Variants in ADAMTSL1 observed in about 807,000 individuals in gnomAD.
ADAMTSL1 encodes the protein ADAMTS like 1.
A neutral mutation model predicts 201.8 loss-of-function variants in ADAMTSL1; 126 were observed. The observed-to-expected ratio is 0.62, with a 90% CI of 0.54 to 0.72. ADAMTSL1 has a LOEUF of 0.72. Ranked by LOEUF, ADAMTSL1 falls within the 30% of genes least tolerant of loss-of-function variation. The pLI, the probability that ADAMTSL1 is intolerant of heterozygous loss-of-function variation, is 0.00. For synonymous variants in ADAMTSL1, 1,121 were observed against 903.4 expected, an observed-to-expected ratio of 1.24 and a Z score of -4.32; for missense variants, 2,679 against 2,277.8, an observed-to-expected ratio of 1.18 and a Z score of -3.59.
intron 1 of ADAMTSL1, among the ~76,000 whole-genome samples, chr9:17,910,548 G>C (rs552118477): frequency 1.5e-5 from 1 of 68,916 alleles, no homozygotes; most frequent in African/African-American, 2.9e-5. Flanking sequence ...TCTTGTGTGT[G>C]TGTTGCAAGT....
intron 23 of ADAMTSL1, among the ~76,000 whole-genome samples, chr9:18,845,795 A>G (rs2131345110): frequency 6.6e-6 from 1 of 152,346 alleles, no homozygotes; most frequent in South Asian, 2.1e-4. Flanking sequence ...AGACTGGGAC[A>G]ATATAATATA....
chr9:18,860,973 A>C (rs928408638), intron 23 of ADAMTSL1, among the ~76,000 whole-genome samples: 2 of 152,220 alleles, frequency 1.3e-5, no homozygotes, highest in African/African-American at 2.4e-5. Context: ...TGGAAACTTT[A>C]GTTCTCACTT....
At chr9:18,328,159 C>T (rs371494854) in intron 2 of ADAMTSL1, among the ~76,000 whole-genome samples, 1 of 152,306 alleles carries the variant, frequency 6.6e-6, no homozygotes, top group African/African-American at 2.4e-5. Flanking sequence ...CCTGTTTGCA[C>T]AAAGTGCTTG....
rs1201322762 is a variant in ADAMTSL1 at position 17,910,779 on chromosome 9, A to C, written c.87+3857A>C. Among the ~76,000 whole-genome samples, 10 of 69,272 alleles carry C rather than the reference A, an allele frequency of 1.4e-4. 2 individuals carry two copies. The highest frequency in any genetic ancestry group is 2.9e-4 in the African/African-American group (10 of 34,292). The allele number at this position is 69,272 out of a possible 152,430, so 45.4% of individuals were successfully genotyped here. The stretch of plus-strand genomic sequence containing the variant: ...AAAGTCTTCACTTGGTTTTAATCAT[A>C]TAGGCATTATATTTAACCATCAAAT... On this transcript the variant is annotated intron_variant, in intron 1 of 29. Transcript: ENST00000680146.
chr9:18,848,717 G>C (rs1826289447), intron 23 of ADAMTSL1, among the ~76,000 whole-genome samples: 1 of 152,206 alleles, frequency 6.6e-6, no homozygotes, highest in African/African-American at 2.4e-5. Context: ...TTTCTGTAAA[G>C]TGCCAGATAG....
At chr9:17,965,900 A>G (rs752975433) in intron 1 of ADAMTSL1, among the ~76,000 whole-genome samples, 1 of 152,162 alleles carries the variant, frequency 6.6e-6, no homozygotes, top group Non-Finnish European at 1.5e-5. Context: ...TTTTTTGCTG[A>G]TGATGGCACA....
intron 15 of ADAMTSL1, among the ~76,000 whole-genome samples, chr9:18,737,054 C>T (rs1042698449): frequency 2.6e-5 from 4 of 152,192 alleles, no homozygotes; most frequent in African/African-American, 9.6e-5. Context: ...CGTGGTGGCT[C>T]ACGCCTGTAA....
intron 2 of ADAMTSL1, among the ~76,000 whole-genome samples, chr9:18,379,693 G>A (rs1015801866): frequency 6.6e-6 from 1 of 152,044 alleles, no homozygotes; most frequent in African/African-American, 2.4e-5. Context: ...AAGAAAAACT[G>A]GTTTTATACC....
chr9:18,148,396 A>G (rs1218712150), intron 1 of ADAMTSL1, among the ~76,000 whole-genome samples: 3 of 151,948 alleles, frequency 2.0e-5, no homozygotes, highest in East Asian at 3.9e-4. Context: ...GGTAACTATA[A>G]AACAGAAATG....
At chr9:18,131,570 T>G (rs1359202142) in intron 1 of ADAMTSL1, among the ~76,000 whole-genome samples, 1 of 152,186 alleles carries the variant, frequency 6.6e-6, no homozygotes, top group Admixed American at 6.5e-5. Context: ...AAGATTACTC[T>G]CTTCTTGACA....
intron 1 of ADAMTSL1, among the ~76,000 whole-genome samples, chr9:18,007,989 C>T (rs1340026080): frequency 6.6e-6 from 1 of 151,898 alleles, no homozygotes; most frequent in Non-Finnish European, 1.5e-5. Flanking sequence ...AAGAAATTGG[C>T]CCCTTATTCC....
At chr9:18,029,354 C>T (rs911863658) in intron 1 of ADAMTSL1, among the ~76,000 whole-genome samples, 2 of 152,266 alleles carry the variant, frequency 1.3e-5, no homozygotes, top group East Asian at 1.9e-4. Context: ...ATGGAGAAAG[C>T]TGAAACTGGA....
chr9:18,477,970 G>A (rs997703440), intron 1 of ADAMTSL1, among the ~76,000 whole-genome samples: 2 of 152,088 alleles, frequency 1.3e-5, no homozygotes, highest in Non-Finnish European at 2.9e-5. Flanking sequence ...AAAAGCATAT[G>A]GAAATTGAAG....
At chr9:18,157,315 T>A (rs1305641302) in intron 1 of ADAMTSL1, among the ~76,000 whole-genome samples, 3 of 152,058 alleles carry the variant, frequency 2.0e-5, no homozygotes, top group Non-Finnish European at 2.9e-5. Context: ...TAATAGTTTT[T>A]AAATTTTGTT....
intron 2 of ADAMTSL1, among the ~76,000 whole-genome samples, chr9:18,168,495 T>A (rs1317152993): frequency 6.6e-6 from 1 of 152,060 alleles, no homozygotes; most frequent in African/African-American, 2.4e-5. Flanking sequence ...ATGGTATATA[T>A]GTGCCACATT....
At chr9:18,577,771 C>A (rs1822828277) in intron 4 of ADAMTSL1, among the ~76,000 whole-genome samples, 1 of 151,982 alleles carries the variant, frequency 6.6e-6, no homozygotes, top group Non-Finnish European at 1.5e-5. Context: ...AAAAAACTTC[C>A]CAGGATGTGA....
Position 18,777,629 on chromosome 9 carries a change from C to G in ADAMTSL1, c.3400C>G (p.Pro1134Ala). The G allele has an allele frequency of 1.2e-6, 2 of 1,613,740 alleles. No individual in the cohort carries two copies. Among genetic ancestry groups the G allele is most frequent in the Non-Finnish European group, 1.7e-6 (2 of 1,179,850 alleles). The change falls in exon 19 of 29, where the codon CCT (proline) becomes GCT (alanine). Residue 1134 changes from proline (P) to alanine (A), a missense_variant. Coordinates refer to ENST00000380548, the MANE Select transcript of ADAMTSL1 (RefSeq NM_001040272.6). ...CAGGACTTCCCCAGTGACTCTCTCGCCTCATAAACACGTGTCTGGCTTCAG... is the reference window on the plus strand; with the variant it reads ...CAGGACTTCCCCAGTGACTCTCTCGGCTCATAAACACGTGTCTGGCTTCAG... ...ERRTSPVTLS[P>A]HKHVSGFSSS... is the part of the protein sequence containing the mutation.
intron 1 of ADAMTSL1, among the ~76,000 whole-genome samples, chr9:18,076,843 GA>G (rs1823251409): frequency 6.6e-6 from 1 of 152,140 alleles, no homozygotes; most frequent in African/African-American, 2.4e-5. Flanking sequence ...TGGCTTGGCA[GA>G]AAATAGGAGG....
At chr9:18,749,575 A>G (rs1819341941) in intron 15 of ADAMTSL1, among the ~76,000 whole-genome samples, 2 of 152,058 alleles carry the variant, frequency 1.3e-5, no homozygotes, top group Admixed American at 6.5e-5. Context: ...CTCATAGCCA[A>G]CCTTGCCCCC....
Sources: allele counts gnomAD v4.1 joint callset (sites outside exome capture counted in the v4.1 genomes callset), GRCh38; gene constraint gnomAD v4.1.1; transcripts MANE v1.5; gene names NCBI Gene and HGNC (gene_info 2026-07-23, HGNC 2026-07-21).